The following SGCG variants were observed in gnomAD, a reference collection of about 807,000 sequenced individuals.
SGCG encodes sarcoglycan gamma.
A neutral mutation model predicts 29.3 loss-of-function variants in SGCG; 26 were observed. The ratio of observed to expected loss-of-function variants is 0.89; its 90% CI spans 0.65 to 1.23. The LOEUF is 1.23. Among genes scored for constraint, SGCG ranks in the 50% most tolerant of loss-of-function variants. SGCG has a pLI of 0.00. For synonymous variants in SGCG, 145 were observed against 129.7 expected (o/e 1.12, Z -0.80); for missense variants, 353 against 356.0 (o/e 0.99, Z 0.07).
At chr13:23,200,562 A>G (rs879491580) in intron 1 of SGCG, among the ~76,000 whole-genome samples, 2 of 152,202 alleles carry the variant, frequency 1.3e-5, no homozygotes, top group Non-Finnish European at 2.9e-5. Context: ...AAATAACAAA[A>G]TAGTTGAAAA....
At chr13:23,321,319 G>A (rs1883033612) in intron 7 of SGCG, among the ~76,000 whole-genome samples, 1 of 152,028 alleles carries the variant, frequency 6.6e-6, no homozygotes. Flanking sequence ...ACCCCTACTG[G>A]AAGCCTAAAA....
chr13:23,304,908 G>A (rs1366630298), intron 6 of SGCG, among the ~76,000 whole-genome samples: 4 of 152,172 alleles, frequency 2.6e-5, no homozygotes, highest in Non-Finnish European at 1.5e-5. Flanking sequence ...GGATTACAGA[G>A]AAGATATTTT....
intron 1 of SGCG, among the ~76,000 whole-genome samples, chr13:23,201,708 T>C (rs1399549423): frequency 6.6e-6 from 1 of 152,152 alleles, no homozygotes; most frequent in African/African-American, 2.4e-5. Flanking sequence ...ACAGCAACAA[T>C]AGGAAACTAT....
At chr13:23,198,377 A>G (rs548639749) in intron 1 of SGCG, among the ~76,000 whole-genome samples, 1 of 152,330 alleles carries the variant, frequency 6.6e-6, no homozygotes, top group African/African-American at 2.4e-5. Flanking sequence ...TGTAGAAGAC[A>G]GATTATCTGT....
At chr13:23,256,471 T>G (rs1411427138) in intron 4 of SGCG, among the ~76,000 whole-genome samples, 3 of 152,202 alleles carry the variant, frequency 2.0e-5, no homozygotes, top group Non-Finnish European at 4.4e-5. Flanking sequence ...GTTGCTTTGC[T>G]GCACCCATTA....
chr13:23,179,177 G>A (rs1294361858), upstream of SGCG, among the ~76,000 whole-genome samples: 1 of 152,164 alleles, frequency 6.6e-6, no homozygotes, highest in African/African-American at 2.4e-5. Context: ...ATTCCTTTGA[G>A]AACATTTCAA....
chr13:23,310,801 A>T (rs1367265537), intron 6 of SGCG, among the ~76,000 whole-genome samples: 1 of 152,174 alleles, frequency 6.6e-6, no homozygotes, highest in Non-Finnish European at 1.5e-5. Flanking sequence ...ACAGACACAA[A>T]TTAATACTTG....
intron 2 of SGCG, among the ~76,000 whole-genome samples, chr13:23,232,055 G>C: frequency 6.6e-6 from 1 of 151,774 alleles, no homozygotes; most frequent in Admixed American, 6.6e-5. Context: ...GGAGGTGGAG[G>C]TTGCAGTGAG....
At chr13:23,299,162 T>C (rs1280745597) in intron 6 of SGCG, among the ~76,000 whole-genome samples, 1 of 151,980 alleles carries the variant, frequency 6.6e-6, no homozygotes, top group Non-Finnish European at 1.5e-5. Context: ...CCACTCATAA[T>C]CGAATCCAGC....
intron 2 of SGCG, among the ~76,000 whole-genome samples, chr13:23,213,956 C>T (rs1200580177): frequency 6.6e-6 from 1 of 152,210 alleles, no homozygotes; most frequent in Non-Finnish European, 1.5e-5. Context: ...AGGCCTCTAA[C>T]AAACTTGGCC....
Position 23,203,449 on chromosome 13 carries a change from T to C in SGCG, c.1-246T>C, listed in dbSNP as rs117279888. 1.9e-3 allele frequency among the ~76,000 whole-genome samples: 293 copies of C among 152,342 alleles called. 1 individual carries two copies. Among genetic ancestry groups the C allele is most frequent in the Middle Eastern group, 6.8e-3 (2 of 294 alleles). On this transcript the variant is annotated intron_variant, in intron 1 of 7. Transcript: ENST00000218867. ...AACATTTGAAAATATGGTCACTAGATTTCAAACGTTTATCATATATAAAAT... is the reference window on the plus strand; with the variant it reads ...AACATTTGAAAATATGGTCACTAGACTTCAAACGTTTATCATATATAAAAT...
chr13:23,256,296 C>A (rs1485244138), intron 4 of SGCG, among the ~76,000 whole-genome samples: 2 of 152,152 alleles, frequency 1.3e-5, no homozygotes, highest in East Asian at 3.9e-4. Context: ...CCAATGAAAT[C>A]TTTGAAATAC....
At position 23,186,095 on chromosome 13, in the gene SGCG, G is replaced by A. The variant is rs149248662; in HGVS notation, c.-1+5020G>A. 4.2e-3 allele frequency among the ~76,000 whole-genome samples: 639 copies of A among 152,100 alleles called. 5 individuals carry two copies. The highest frequency in any genetic ancestry group is 0.013 in the African/African-American group (558 of 41,496). ...TTACCCATCCTTTTTCCCTCCCACCGCCTTCACCTACCCATTCAGCATTTG... is the reference window on the plus strand; with the variant it reads ...TTACCCATCCTTTTTCCCTCCCACCACCTTCACCTACCCATTCAGCATTTG... On this transcript the variant is annotated intron_variant, in intron 1 of 7. Transcript: ENST00000218867.
intron 4 of SGCG, among the ~76,000 whole-genome samples, chr13:23,278,007 T>C (rs1192880725): frequency 6.6e-6 from 1 of 152,084 alleles, no homozygotes; most frequent in Non-Finnish European, 1.5e-5. Flanking sequence ...CTAATTTTTG[T>C]ATTTTTAGTA....
At chr13:23,172,416 A>T in the SGCG span, among the ~76,000 whole-genome samples, 3 of 152,014 alleles carry the variant, frequency 2.0e-5, no homozygotes, top group Admixed American at 1.3e-4. Flanking sequence ...GCATATTTAA[A>T]ATACATACAA....
intron 2 of SGCG, among the ~76,000 whole-genome samples, chr13:23,223,276 CAAAA>C (rs10569811): frequency 0.074 from 7,723 of 103,796 alleles, 140 homozygotes; most frequent in East Asian, 0.19. Flanking sequence ...GACTCTGTCA[CAAAA>C]AAAAAAAAAA....
chr13:23,201,169 G>A (rs1414571362), intron 1 of SGCG, among the ~76,000 whole-genome samples: 1 of 152,112 alleles, frequency 6.6e-6, no homozygotes, highest in Non-Finnish European at 1.5e-5. Flanking sequence ...GCTGATTAGG[G>A]GACCTAAGAG....
intron 2 of SGCG, among the ~76,000 whole-genome samples, chr13:23,213,289 C>CA (rs1452090427): frequency 6.6e-6 from 1 of 152,132 alleles, no homozygotes; most frequent in Non-Finnish European, 1.5e-5. Context: ...GCCTGGCCTA[C>CA]ATGGCAAAAC....
intron 2 of SGCG, among the ~76,000 whole-genome samples, chr13:23,206,240 G>A (rs993349012): frequency 2.6e-5 from 4 of 152,052 alleles, no homozygotes; most frequent in Non-Finnish European, 5.9e-5. Context: ...TTAACAATAG[G>A]TACAATGTTG....
Sources: allele counts gnomAD v4.1 joint callset (sites outside exome capture counted in the v4.1 genomes callset), GRCh38; gene constraint gnomAD v4.1.1; transcripts MANE v1.5; gene names NCBI Gene and HGNC (gene_info 2026-07-23, HGNC 2026-07-21).